COL6A2: variants seen among roughly 807,000 people sequenced by gnomAD.
The protein encoded by COL6A2 is collagen type VI alpha 2 chain.
COL6A2 carries 90 observed loss-of-function variants against 124.9 expected under a neutral mutation model. That is an observed-to-expected ratio of 0.72 (90% CI 0.61 to 0.86). The LOEUF (loss-of-function observed/expected upper bound fraction) is 0.86. COL6A2 is among the 40% of genes least tolerant of loss of function. The pLI, the probability that COL6A2 is intolerant of heterozygous loss-of-function variation, is 0.00. For synonymous variants in COL6A2, 793 were observed against 618.2 expected, an observed-to-expected ratio of 1.28 and a Z score of -4.19; for missense variants, 1,607 against 1,502.5, an observed-to-expected ratio of 1.07 and a Z score of -1.15.
At chr21:46,120,603 C>G (rs973531842) in intron 16 of COL6A2, 26 bp downstream of exon 16, 19 of 1,449,362 alleles carry the variant, frequency 1.3e-5, no homozygotes, top group Non-Finnish European at 1.5e-5. Flanking sequence ...GGGCCGCACC[C>G]CAAGGTAGGG....
At chr21:46,102,284 A>G (rs1317332781) in intron 1 of COL6A2, among the ~76,000 whole-genome samples, 1 of 152,112 alleles carries the variant, frequency 6.6e-6, no homozygotes, top group African/African-American at 2.4e-5. Flanking sequence ...TAGTTGTAAC[A>G]GTTTTTGTGG....
intron 27 of COL6A2, chr21:46,128,860 G>C (rs199960282): frequency 6.5e-7 from 1 of 1,541,892 alleles, no homozygotes; most frequent in South Asian, 1.1e-5. Flanking sequence ...ACGGGCCTGC[G>C]GCACTGGAAG....
rs743503 is a variant in COL6A2, at chr21:46,120,659, G to A, written c.1395+82G>A. On this transcript the variant is annotated intron_variant, in intron 16 of 27. Coordinates refer to ENST00000300527, the MANE Select transcript of COL6A2 (RefSeq NM_001849.4). ...GGCTGCACCCCAAGGTAGGGTGGCC[G>A]GGACTGCACCCCAAGGTAGGGGACC... 436,217 of 1,325,358 alleles carry A rather than the reference G, an allele frequency of 0.33. 74,432 individuals carry two copies. The highest frequency in any genetic ancestry group is 0.49 in the Admixed American group (16,538 of 34,084). 82.1% of individuals were successfully genotyped at this position (1,325,358 alleles called of 1,614,324 possible).
chr21:46,123,056 G>C lies in COL6A2; in HGVS notation c.1671+119G>C, dbSNP rs893709102. The C allele has an allele frequency of 9.2e-6, 9 of 983,166 alleles. No individual in the cohort carries two copies. The Admixed American group carries it at 1.5e-4, about 16-fold the overall frequency. The allele number at this position is 983,166 out of a possible 1,614,324, so 60.9% of individuals were successfully genotyped here. ...CCAGGCAGCTTGGCCCCAGCCATGAGCACCACCCCCACCTTCCTAAAGGGA... is the reference window on the plus strand; with the variant it reads ...CCAGGCAGCTTGGCCCCAGCCATGACCACCACCCCCACCTTCCTAAAGGGA... On this transcript the variant is annotated intron_variant, in intron 21 of 27. Transcript: ENST00000300527.
intron 27 of COL6A2, among the ~76,000 whole-genome samples, chr21:46,131,384 G>A (rs1279154929): frequency 1.3e-5 from 2 of 152,218 alleles, no homozygotes; most frequent in Admixed American, 6.5e-5. Context: ...ACCCACCTGG[G>A]CTGCCACAGA....
At chr21:46,104,489 G>A (rs2078317611) in intron 1 of COL6A2, among the ~76,000 whole-genome samples, 1 of 152,166 alleles carries the variant, frequency 6.6e-6, no homozygotes, top group South Asian at 2.1e-4. Context: ...TGAGTCTGAG[G>A]AGCAGAAATA....
chr21:46,118,766 CTG>C, intron 13 of COL6A2, 90 bp downstream of exon 13: 2 of 1,446,224 alleles, frequency 1.4e-6, no homozygotes. Flanking sequence ...ACCATCTCTG[CTG>C]TCACCATGGT....
chr21:46,132,677 C>A lies in COL6A2; in HGVS notation c.*125C>A, dbSNP rs2078779215. The stretch of plus-strand genomic sequence containing the variant: ...GACGACGCCCTGGGCCTGCACCTCT[C>A]CAGCTCCTCCCACGGGGTCCCCGTA... On this transcript the variant is annotated 3_prime_UTR_variant, in exon 28 of 28. Transcript: ENST00000300527. 4.1e-6 allele frequency: 4 copies of A among 986,114 alleles called. No homozygotes were observed. The highest frequency in any genetic ancestry group is 6.1e-6 in the Non-Finnish European group (4 of 655,122). The allele number at this position is 986,114 out of a possible 1,614,324, so 61.1% of individuals were successfully genotyped here.
intron 1 of COL6A2, among the ~76,000 whole-genome samples, chr21:46,107,189 A>G (rs2078343099): frequency 6.6e-6 from 1 of 152,110 alleles, no homozygotes; most frequent in Non-Finnish European, 1.5e-5. Context: ...ACTGGTTGTT[A>G]GAAAATGTTT....
chr21:46,126,743 C>T (rs994447365), intron 27 of COL6A2, among the ~76,000 whole-genome samples: 2 of 152,152 alleles, frequency 1.3e-5, no homozygotes, highest in African/African-American at 2.4e-5. Flanking sequence ...CTCCCAGGAA[C>T]GCAGGAACAG....
intron 1 of COL6A2, among the ~76,000 whole-genome samples, chr21:46,110,154 A>G (rs1190422104): frequency 1.3e-5 from 2 of 151,274 alleles, no homozygotes; most frequent in African/African-American, 4.9e-5. Flanking sequence ...CACCCAGCAC[A>G]CCACCCGGCC....
intron 27 of COL6A2, chr21:46,129,725 CTCTT>C (rs1261056211): frequency 2.1e-6 from 3 of 1,397,228 alleles, no homozygotes; most frequent in African/African-American, 2.9e-5. Flanking sequence ...TGTGGCCGCT[CTCTT>C]TATAAGAACC....
intron 26 of COL6A2, 124 bp from the exon 27 acceptor site, chr21:46,126,379 C>T (rs144239011): frequency 1.3e-6 from 2 of 1,527,856 alleles, no homozygotes; most frequent in Non-Finnish European, 1.8e-6. Context: ...GGGTCGGGCC[C>T]TCTCGGGGCT....
intron 22 of COL6A2, 41 bp from the exon 23 acceptor site, chr21:46,124,844 G>A: frequency 1.2e-6 from 2 of 1,612,468 alleles, no homozygotes; most frequent in Non-Finnish European, 1.7e-6. Flanking sequence ...CAGCCACCCA[G>A]CCTTGGCCCC....
chr21:46,102,254 A>G (rs1181108030), intron 1 of COL6A2, among the ~76,000 whole-genome samples: 2 of 152,098 alleles, frequency 1.3e-5, no homozygotes, highest in Non-Finnish European at 2.9e-5. Context: ...GTATTCTGCT[A>G]TTTTGCTGAA....
At chr21:46,110,798 A>T (rs532893159) in intron 1 of COL6A2, among the ~76,000 whole-genome samples, 1 of 152,350 alleles carries the variant, frequency 6.6e-6, no homozygotes, top group Admixed American at 6.5e-5. Flanking sequence ...GCCCGTCCTG[A>T]TGGCCTCCTG....
Position 46,112,390 on chromosome 21 carries a change from A to G in COL6A2, c.527A>G (p.Gln176Arg). ...AGCCCCTGCGGGGGCATCAAGCTGC[A>G]GGCCGAGCGGGCCCGCGAGGAGGGC... ...TGSPCGGIKL[Q>R]AERAREEGIR... Residue 176 changes from glutamine (Q) to arginine (R), a missense_variant, in exon 3 of 28, where the codon CAG (glutamine) becomes CGG (arginine). Physicochemically the swap from Gln to Arg is conservative, Grantham distance 43. This residue lies in a region of COL6A2 where 342 missense variants were observed against 381.5 expected (regional missense o/e 0.90). Transcript: ENST00000300527. 3 of 1,607,874 alleles carry G rather than the reference A, an allele frequency of 1.9e-6. No individual in the cohort carries two copies. The highest frequency in any genetic ancestry group is 2.5e-6 in the Non-Finnish European group (3 of 1,178,572).
At chr21:46,108,619 A>C (rs943161663) in intron 1 of COL6A2, among the ~76,000 whole-genome samples, 2 of 152,142 alleles carry the variant, frequency 1.3e-5, no homozygotes, top group Non-Finnish European at 2.9e-5. Context: ...TTGATGTTTC[A>C]GGGATCTATT....
rs201753549 is a variant in COL6A2, at chr21:46,112,001, C to T, written c.138C>T (p.His46=). The T allele has an allele frequency of 1.0e-4, 166 of 1,612,496 alleles. 1 individual carries two copies. In the East Asian group the frequency reaches 2.5e-3, roughly 24 times the overall value. ...NCPEKTDCPI[H]VYFVLDTSES... ...CAGAGAAGACCGACTGCCCCATCCA[C>T]GTGTACTTCGTGCTGGACACCTCGG... Residue 46 remains histidine (H), a synonymous_variant, in exon 3 of 28, where the codon CAC becomes CAT. Transcript: ENST00000300527.
Sources: gnomAD v4.1 joint callset for allele counts (sites outside exome capture counted in the v4.1 genomes callset) on GRCh38, gnomAD v4.1.1 for gene constraint, gnomAD v4.1.1 regional missense constraint, MANE v1.5 for transcripts, NCBI Gene and HGNC (gene_info 2026-07-23, HGNC 2026-07-21) for gene names.